EML3: variants seen among roughly 807,000 people sequenced by gnomAD.
EML3 encodes EMAP like 3.
In EML3, 53 loss-of-function variants were observed where a neutral mutation model predicts 106.7. That is an observed-to-expected ratio of 0.50 (90% confidence interval 0.40 to 0.62). The LOEUF (loss-of-function observed/expected upper bound fraction) is 0.62. EML3 is among the 20% of genes least tolerant of loss of function. The pLI, the probability that EML3 is intolerant of heterozygous loss-of-function variation, is 0.00. For synonymous variants in EML3, 499 were observed against 489.6 expected (o/e 1.02, Z -0.25); for missense variants, 994 against 1,209.1 (o/e 0.82, Z 2.64).
chr11:62,609,140 G>A lies in EML3; in HGVS notation c.759-8C>T. ...CGACCCCTGTACCCATAACTGGGGTGGAGATCACGGTCAAGGAAAGGGTTA... is the reference window on the plus strand; with the variant it reads ...CGACCCCTGTACCCATAACTGGGGTAGAGATCACGGTCAAGGAAAGGGTTA... On this transcript the variant is annotated splice_region_variant and splice_polypyrimidine_tract_variant and intron_variant, in intron 6 of 21. Coordinates refer to ENST00000394773, the MANE Select transcript of EML3 (RefSeq NM_153265.3). 1 of 1,613,668 alleles carries A rather than the reference G, an allele frequency of 6.2e-7. No individual in the cohort carries two copies. The highest frequency in any genetic ancestry group is 2.2e-5 in the East Asian group (1 of 44,878).
At chr11:62,606,586 G>A (rs770378205) in intron 12 of EML3, among the ~76,000 whole-genome samples, 5 of 152,234 alleles carry the variant, frequency 3.3e-5, no homozygotes, top group African/African-American at 4.8e-5. Flanking sequence ...GCTGGGCGCC[G>A]TGGCTCACGC....
At chr11:62,607,999 C>A in intron 10 of EML3, 178 bp from the exon 11 acceptor site, 1 of 806,510 alleles carries the variant, frequency 1.2e-6, no homozygotes, top group South Asian at 1.7e-5. Context: ...TAATTAATCA[C>A]CCTAATACCT....
chr11:62,604,082 C>A (rs1342596249), intron 17 of EML3, 31 bp downstream of exon 17: 4 of 1,613,940 alleles, frequency 2.5e-6, no homozygotes, highest in Non-Finnish European at 2.5e-6. Context: ...GCCAGGGACG[C>A]ATGTGAGTCC....
At position 62,610,932 on chromosome 11, in the gene EML3, G is replaced by C. The variant is rs779368888; in HGVS notation, c.513C>G (p.Ser171=). The C allele has an allele frequency of 1.9e-6, 3 of 1,613,296 alleles. No individual in the cohort carries two copies. The highest frequency in any genetic ancestry group is 2.5e-6 in the Non-Finnish European group (3 of 1,179,830). ...GGTTGGCGGAGGAGATTGCCTTCCT[G>C]GAGAGCTTCTGCCGAGGCCGCTCTG... ...SPSERPRQKL[S]RKAISSANLL... The change falls in exon 4 of 22, where the codon TCC becomes TCG. Residue 171 remains serine, a synonymous_variant. Coordinates refer to ENST00000394773, the MANE Select transcript of EML3 (RefSeq NM_153265.3).
intron 11 of EML3, 197 bp from the exon 12 acceptor site, chr11:62,607,296 G>C: frequency 1.8e-6 from 1 of 544,844 alleles, no homozygotes; most frequent in Non-Finnish European, 3.1e-6. Context: ...TCCAGCCTGG[G>C]TGATAGAGCA....
chr11:62,606,541 C>G, intron 12 of EML3: 1 of 382,458 alleles, frequency 2.6e-6, no homozygotes, highest in South Asian at 3.8e-5. Context: ...CCCAAGAGAA[C>G]TATCAACTCT....
intron 5 of EML3, 33 bp from the exon 6 acceptor site, chr11:62,609,510 C>A: frequency 6.5e-7 from 1 of 1,543,136 alleles, no homozygotes; most frequent in Non-Finnish European, 8.8e-7. Flanking sequence ...CAACTACCCC[C>A]TTCCAGGAAA....
Position 62,611,070 on chromosome 11 carries a change from G to A in EML3, c.452+17C>T, listed in dbSNP as rs912003991. 4 of 1,601,302 alleles carry A rather than the reference G, an allele frequency of 2.5e-6. No individual in the cohort carries two copies. Among genetic ancestry groups the A allele is most frequent in the Non-Finnish European group, 3.4e-6 (4 of 1,177,758 alleles). On this transcript the variant is annotated intron_variant, in intron 3 of 21. Coordinates refer to ENST00000394773, the MANE Select transcript of EML3 (RefSeq NM_153265.3). ...CCACCCCTCCCAGCTTCCGCCACAG[G>A]GCCACAGGACACCTACGTGTCAGCA...
rs1471367004 is a variant in EML3, at chr11:62,607,791, A to G, written c.1237T>C (p.Phe413Leu). 6.8e-6 allele frequency: 11 copies of G among 1,614,012 alleles called. No homozygotes were observed. The highest frequency in any genetic ancestry group is 8.5e-6 in the Non-Finnish European group (10 of 1,179,956). The change falls in exon 11 of 22, where the codon TTC (phenylalanine) becomes CTC (leucine). Residue 413 changes from phenylalanine (F) to leucine (L), a missense_variant. By Grantham distance (22) the Phe-to-Leu change is conservative. This residue lies in a region of EML3 where 713 missense variants were observed against 920.5 expected (regional missense o/e 0.77). Coordinates refer to ENST00000394773, the MANE Select transcript of EML3 (RefSeq NM_153265.3). ...ATGCAGCTGCTGTCACGAGGGTTGA[A>G]GCCAACGGCCAGGACTGAGTCATTT... ...STNDSVLAVG[F>L]NPRDSSCIVT... is the part of the protein sequence containing the mutation.
Position 62,608,826 on chromosome 11 carries a change from T to G in EML3, c.930-21A>C, listed in dbSNP as rs201906284. On this transcript the variant is annotated intron_variant, in intron 7 of 21. Transcript: ENST00000394773. The stretch of plus-strand genomic sequence containing the variant: ...CAAGGCTAAGGCAGGGGGAAGACAC[T>G]CTAGGGAAAGGGTCTCTCAAGACCA... 1.2e-4 allele frequency: 183 copies of G among 1,565,174 alleles called. No individual in the cohort carries two copies. The African/African-American group carries it at 2.1e-3, about 18-fold the overall frequency.
chr11:62,607,834 C>T lies in EML3; in HGVS notation c.1207-13G>A, dbSNP rs776161075. The T allele has an allele frequency of 1.7e-5, 28 of 1,608,194 alleles. No homozygotes were observed. The highest frequency in any genetic ancestry group is 2.4e-5 in the Non-Finnish European group (28 of 1,175,522). On this transcript the variant is annotated splice_polypyrimidine_tract_variant and intron_variant, in intron 10 of 21. Transcript: ENST00000394773. ...AGTCATTTGTACTCTGAAGGGAAGA[C>T]ACTAGATTCAGCCACCCCAAGCCCT...
Position 62,609,367 on chromosome 11 carries a change from T to G in EML3, c.745A>C (p.Ser249Arg), listed in dbSNP as rs760325297. Residue 249 changes from serine (S) to arginine (R), a missense_variant, in exon 6 of 22, where the codon AGC (serine) becomes CGC (arginine). Physicochemically the swap from Ser to Arg is moderately radical, Grantham distance 110. Coordinates refer to ENST00000394773, the MANE Select transcript of EML3 (RefSeq NM_153265.3). ...GGGGCAGGATACACCCAGTCAAGGC[T>G]GAGGGTCTCTGGCGGTGGGCCACTC... ...LPSGPPPETL[S>R]LDWVYGYRGR... 1 of 1,583,242 alleles carries G rather than the reference T, an allele frequency of 6.3e-7. No individual in the cohort carries two copies. Among genetic ancestry groups the G allele is most frequent in the East Asian group, 2.2e-5 (1 of 44,546 alleles).
chr11:62,608,934 C>T (rs370782248), intron 7 of EML3, 28 bp downstream of exon 7: 61 of 1,609,974 alleles, frequency 3.8e-5, no homozygotes, highest in Admixed American at 5.0e-5. Flanking sequence ...CCTCTTCCTG[C>T]CAAGCCCACC....
Position 62,606,210 on chromosome 11 carries a change from G to A in EML3, c.1509C>T (p.Thr503=), listed in dbSNP as rs1942510261. 1 of 1,613,740 alleles carries A rather than the reference G, an allele frequency of 6.2e-7. No homozygotes were observed. The highest frequency in any genetic ancestry group is 8.5e-7 in the Non-Finnish European group (1 of 1,179,964). Reference sequence around the variant, plus strand: ...CGTGAGCCTGGGCCACAATCCCATAGGTCTCTGTTGGCAAAGCCCCAGGTA... The same window carrying A: ...CGTGAGCCTGGGCCACAATCCCATAAGTCTCTGTTGGCAAAGCCCCAGGTA... ...KTPGRGGAKE[T]YGIVAQAHAH... The change falls in exon 13 of 22, where the codon ACC becomes ACT. Residue 503 remains threonine (T), a synonymous_variant. Coordinates refer to ENST00000394773, the MANE Select transcript of EML3 (RefSeq NM_153265.3).
chr11:62,603,599 C>T, intron 19 of EML3, 130 bp downstream of exon 19: 1 of 769,614 alleles, frequency 1.3e-6, no homozygotes, highest in Non-Finnish European at 2.1e-6. Context: ...CGAAATTTCT[C>T]CTACATATAA....
chr11:62,608,215 G>C lies in EML3; in HGVS notation c.1192C>G (p.Leu398Val), dbSNP rs922688408. The stretch of plus-strand genomic sequence containing the variant: ...GGACTCCTCACCTTGATCTCAGCCA[G>C]CTTCATTCCCCGGCTGCAGTCCCAC... ...SVWDCSRGMK[L>V]AEIKSTNDSV... is the part of the protein sequence containing the mutation. The change falls in exon 10 of 22, where the codon CTG becomes GTG. Residue 398 changes from leucine (L) to valine (V), a missense_variant. Physicochemically the swap from Leu to Val is conservative, Grantham distance 32 (BLOSUM62 1). Transcript: ENST00000394773. 1.2e-6 allele frequency: 2 copies of C among 1,613,750 alleles called. No individual in the cohort carries two copies. The highest frequency in any genetic ancestry group is 2.7e-5 in the African/African-American group (2 of 74,884).
At position 62,605,138 on chromosome 11, in the gene EML3, C is replaced by A. The variant is rs759037856; in HGVS notation, c.1957G>T (p.Val653Leu). 1 of 1,613,082 alleles carries A rather than the reference C, an allele frequency of 6.2e-7. No homozygotes were observed. The highest frequency in any genetic ancestry group is 1.3e-5 in the African/African-American group (1 of 74,890). The part of the protein sequence containing the change: ...CADFHPSGAV[V>L]AVGLNTGRWL... ...CTCCCCGTGTTCAGTCCTACGGCCA[C>A]AACTGCCCCACTCGGGTGGAAGTCA... Residue 653 changes from valine to leucine, a missense_variant, in exon 16 of 22, where the codon GTG becomes TTG. Coordinates refer to ENST00000394773, the MANE Select transcript of EML3 (RefSeq NM_153265.3). The surrounding 1 kb of genome is among the most constrained non-coding windows in gnomAD (Gnocchi z 5.2).
At chr11:62,603,121 T>C in intron 20 of EML3, 28 bp downstream of exon 20, 1 of 1,611,934 alleles carries the variant, frequency 6.2e-7, no homozygotes, top group Non-Finnish European at 8.5e-7. Context: ...CCCCCACCCT[T>C]CCAGCAGGTT....
At chr11:62,608,386 G>A in intron 9 of EML3, 90 bp from the exon 10 acceptor site, 1 of 1,399,744 alleles carries the variant, frequency 7.1e-7, no homozygotes, top group East Asian at 2.3e-5. Context: ...CATCACAGAT[G>A]GAGAGGGCAG....
Sources: gnomAD v4.1 joint callset for allele counts (sites outside exome capture counted in the v4.1 genomes callset) on GRCh38, gnomAD v4.1.1 for gene constraint, gnomAD v4.1.1 regional missense constraint, Gnocchi (gnomAD v3.1) non-coding constraint, MANE v1.5 for transcripts, NCBI Gene and HGNC (gene_info 2026-07-23, HGNC 2026-07-21) for gene names.